The following REEP2 variants were observed in gnomAD, a reference collection of about 807,000 sequenced individuals.
REEP2 encodes receptor accessory protein 2, also known as receptor expression-enhancing protein 2.
A neutral mutation model predicts 32.1 loss-of-function variants in REEP2; 9 were observed. That is an observed-to-expected ratio of 0.28 (90% confidence interval 0.17 to 0.49). REEP2 has a LOEUF of 0.49. Among genes scored for constraint, REEP2 ranks in the 20% least tolerant of loss-of-function variants. The pLI, the probability that REEP2 is intolerant of heterozygous loss-of-function variation, is 0.99. For missense variants in REEP2, 236 were observed against 338.0 expected (o/e 0.70, Z 2.37); for synonymous variants, 128 against 139.1 (o/e 0.92, Z 0.56).
chr5:138,444,626 G>T, intron 4 of REEP2, 91 bp downstream of exon 4: 1 of 1,578,388 alleles, frequency 6.3e-7, no homozygotes, highest in South Asian at 1.1e-5. Context: ...CCTCCCTGTG[G>T]GGCCCAGAGC....
intron 1 of REEP2, among the ~76,000 whole-genome samples, 195 bp downstream of exon 1, chr5:138,439,435 G>C (rs1026255346): frequency 6.6e-6 from 1 of 152,170 alleles, no homozygotes; most frequent in Non-Finnish European, 1.5e-5. Context: ...TGGCAGGCCT[G>C]GCTTCCCAGG....
At chr5:138,440,892 T>C (rs977036349) in intron 1 of REEP2, 124 bp from the exon 2 acceptor site, 1 of 1,542,474 alleles carries the variant, frequency 6.5e-7, no homozygotes, top group Non-Finnish European at 8.7e-7. Context: ...CTGACCTGAG[T>C]TCATCAGTCC....
rs1561808077 is a variant in REEP2 at position 138,445,761 on chromosome 5, C to T, written c.*10C>T. ...GGGCGACTCAGCTTGAGCCCCTCCA[C>T]CCCCGCAGGCTGCAGAGCAAGGATG... On this transcript the variant is annotated 3_prime_UTR_variant, in exon 8 of 8. Coordinates refer to ENST00000378339, the MANE Select transcript of REEP2 (RefSeq NM_001271803.2). The T allele has an allele frequency of 3.1e-6, 5 of 1,612,190 alleles. No homozygotes were observed. The highest frequency in any genetic ancestry group is 1.1e-5 in the South Asian group (1 of 90,818).
intron 4 of REEP2, 69 bp from the exon 5 acceptor site, chr5:138,444,685 C>T: frequency 6.4e-7 from 1 of 1,562,482 alleles, no homozygotes; most frequent in Non-Finnish European, 8.8e-7. Flanking sequence ...CAGGCAGGGG[C>T]CTCTGTCCAG....
chr5:138,445,812 A>T lies in REEP2; in HGVS notation c.*61A>T. On this transcript the variant is annotated 3_prime_UTR_variant, in exon 8 of 8. Transcript: ENST00000378339. ...AAGCCTCAGGAGGGGCCTCAGACCC[A>T]GCCCCTGCTCCACACTGTGCCAGTA... The T allele has an allele frequency of 6.6e-7, 1 of 1,514,248 alleles. No individual in the cohort carries two copies. Among genetic ancestry groups the T allele is most frequent in the Non-Finnish European group, 9.0e-7 (1 of 1,108,136 alleles). 93.8% of individuals were successfully genotyped at this position (1,514,248 alleles called of 1,614,324 possible).
intron 3 of REEP2, among the ~76,000 whole-genome samples, chr5:138,443,429 C>A (rs1164808912): frequency 7.5e-6 from 1 of 133,810 alleles, no homozygotes; most frequent in East Asian, 2.4e-4. Flanking sequence ...CATTGCACTC[C>A]GGCCTGGGCA....
At chr5:138,443,131 G>T (rs1241916002) in intron 3 of REEP2, among the ~76,000 whole-genome samples, 1 of 151,972 alleles carries the variant, frequency 6.6e-6, no homozygotes, top group Non-Finnish European at 1.5e-5. Context: ...AGGAGTTTGA[G>T]ATCAGCCTGG....
At chr5:138,444,155 T>C (rs1763878893) in intron 3 of REEP2, among the ~76,000 whole-genome samples, 1 of 151,926 alleles carries the variant, frequency 6.6e-6, no homozygotes, top group Non-Finnish European at 1.5e-5. Context: ...GGGCTGGGGC[T>C]TGGGGAGAGG....
At chr5:138,440,201 ACCCT>A (rs1341159303) in intron 1 of REEP2, among the ~76,000 whole-genome samples, 2 of 151,986 alleles carry the variant, frequency 1.3e-5, no homozygotes, top group African/African-American at 4.8e-5. Context: ...CGGCAGCCCC[ACCCT>A]GCTCCCTTCT....
intron 7 of REEP2, 34 bp from the exon 8 acceptor site, chr5:138,445,649 A>C (rs1580980785): frequency 6.2e-7 from 1 of 1,614,136 alleles, no homozygotes; most frequent in Non-Finnish European, 8.5e-7. Context: ...TGGCGGCTCC[A>C]GGCTGAGCCC....
intron 3 of REEP2, among the ~76,000 whole-genome samples, chr5:138,442,498 G>A (rs1156588269): frequency 1.3e-5 from 2 of 151,844 alleles, no homozygotes; most frequent in African/African-American, 4.8e-5. Flanking sequence ...AGATCACGAG[G>A]TCAGGAGATC....
At chr5:138,439,379 T>G in intron 1 of REEP2, 139 bp downstream of exon 1, 1 of 823,566 alleles carries the variant, frequency 1.2e-6, no homozygotes, top group African/African-American at 1.8e-5. Context: ...CCCAGAGACA[T>G]GGAGATGTGG....
rs548099120 is a variant in REEP2, at chr5:138,445,133, G to A, written c.418-95G>A. On this transcript the variant is annotated intron_variant, in intron 5 of 7. Transcript: ENST00000378339. Reference sequence around the variant, plus strand: ...ACTGGGTGAGGACAGTGTGGGGAGGGCACCGAGCCTGGGGCTGCTGCCAGC... The same window carrying A: ...ACTGGGTGAGGACAGTGTGGGGAGGACACCGAGCCTGGGGCTGCTGCCAGC... 3 of 1,359,578 alleles carry A rather than the reference G, an allele frequency of 2.2e-6. No homozygotes were observed. The South Asian group carries it at 4.1e-5, about 19-fold the overall frequency. The allele number at this position is 1,359,578 out of a possible 1,614,324, so 84.2% of individuals were successfully genotyped here.
intron 3 of REEP2, among the ~76,000 whole-genome samples, chr5:138,442,432 G>C (rs1280695545): frequency 6.6e-6 from 1 of 152,204 alleles, no homozygotes; most frequent in Non-Finnish European, 1.5e-5. Context: ...GAGGGTAAAG[G>C]CCGGGTGTGG....
intron 3 of REEP2, among the ~76,000 whole-genome samples, chr5:138,443,404 G>A (rs1376886259): frequency 7.0e-6 from 1 of 143,196 alleles, no homozygotes; most frequent in South Asian, 2.2e-4. Context: ...AGGTTGCAGT[G>A]AGCCAAGATT....
intron 1 of REEP2, 162 bp from the exon 2 acceptor site, chr5:138,440,854 A>T: frequency 7.3e-7 from 1 of 1,371,334 alleles, no homozygotes; most frequent in Non-Finnish European, 9.8e-7. Context: ...CTGGCTGGGC[A>T]TGTTCCATGC....
At chr5:138,444,666 C>G in intron 4 of REEP2, 88 bp from the exon 5 acceptor site, 2 of 1,563,088 alleles carry the variant, frequency 1.3e-6, no homozygotes, top group Non-Finnish European at 1.7e-6. Context: ...CTGCCGTGGC[C>G]TCCCGGAGCA....
rs1473620964 is a variant in REEP2, at chr5:138,445,753, C to T, written c.*2C>T. ...TCTGGCGGGGGCGACTCAGCTTGAG[C>T]CCCTCCACCCCCGCAGGCTGCAGAG... is the stretch of plus-strand genomic sequence containing the variant. On this transcript the variant is annotated 3_prime_UTR_variant, in exon 8 of 8. Coordinates refer to ENST00000378339, the MANE Select transcript of REEP2 (RefSeq NM_001271803.2). The T allele has an allele frequency of 1.2e-6, 2 of 1,613,084 alleles. No homozygotes were observed. Among genetic ancestry groups the T allele is most frequent in the African/African-American group, 2.7e-5 (2 of 74,886 alleles).
chr5:138,441,378 C>T lies in REEP2; in HGVS notation c.106-7C>T. 1 of 1,613,916 alleles carries T rather than the reference C, an allele frequency of 6.2e-7. No individual in the cohort carries two copies. The highest frequency in any genetic ancestry group is 8.5e-7 in the Non-Finnish European group (1 of 1,179,744). ...TGCCCCAGCCAGCGCTTCCCTCTGTCCCTCAGGTGAAATGGATGATGTACT... is the reference window on the plus strand; with the variant it reads ...TGCCCCAGCCAGCGCTTCCCTCTGTTCCTCAGGTGAAATGGATGATGTACT... On this transcript the variant is annotated splice_region_variant and splice_polypyrimidine_tract_variant and intron_variant, in intron 2 of 7. Transcript: ENST00000378339. The surrounding 1 kb of genome is among the most constrained non-coding windows in gnomAD (Gnocchi z 4.4).
Sources: gnomAD v4.1 joint callset for allele counts (sites outside exome capture counted in the v4.1 genomes callset) on GRCh38, gnomAD v4.1.1 for gene constraint, Gnocchi (gnomAD v3.1) non-coding constraint, MANE v1.5 for transcripts, NCBI Gene and HGNC (gene_info 2026-07-23, HGNC 2026-07-21) for gene names.